PPM1G: variants seen among roughly 807,000 people sequenced by gnomAD.
PPM1G encodes protein phosphatase 1G.
In PPM1G, 12 loss-of-function variants were observed where a neutral mutation model predicts 59.4. That is an observed-to-expected ratio of 0.20 (90% CI 0.13 to 0.33). The LOEUF (loss-of-function observed/expected upper bound fraction) is 0.33, where lower values mean the gene tolerates loss of function less well. Ranked by LOEUF, PPM1G falls within the 10% of genes least tolerant of loss-of-function variation. The probability of loss-of-function intolerance (pLI) is 1.00; values close to 1 mark genes in which losing one functional copy is unlikely to be tolerated. For missense variants in PPM1G, 392 were observed against 681.3 expected (o/e 0.58, Z 4.73); for synonymous variants, 245 against 251.9 (o/e 0.97, Z 0.26).
rs1647283 is a variant in PPM1G, at chr2:27,384,637, C to T, written c.825+36G>A. 6 of 1,561,010 alleles carry T rather than the reference C, an allele frequency of 3.8e-6. No homozygotes were observed. Among genetic ancestry groups the T allele is most frequent in the South Asian group, 1.2e-5 (1 of 83,330 alleles). On this transcript the variant is annotated intron_variant, in intron 5 of 9. Transcript: ENST00000344034. The surrounding 1 kb of genome is among the most constrained non-coding windows in gnomAD (Gnocchi z 4.8). ...ACGGCAACCAAACAGGACCTCTCTGCAACTTCAGCATCTGCCTGCCCTCAC... is the reference window on the plus strand; with the variant it reads ...ACGGCAACCAAACAGGACCTCTCTGTAACTTCAGCATCTGCCTGCCCTCAC...
In PPM1G at chr2:27,384,923, G is replaced by A; in HGVS notation, c.575C>T (p.Pro192Leu). The A allele has an allele frequency of 1.2e-6, 2 of 1,614,214 alleles. No homozygotes were observed. Among genetic ancestry groups the A allele is most frequent in the Non-Finnish European group, 1.7e-6 (2 of 1,180,040 alleles). ...GSQGLNGEAG[P>L]EDSTRETPSQ... ...AGGAGTTTCCCTAGTTGAGTCCTCAGGTCCTGCCTCCCCATTGAGGCCCTG... is the reference window on the plus strand; with the variant it reads ...AGGAGTTTCCCTAGTTGAGTCCTCAAGTCCTGCCTCCCCATTGAGGCCCTG... Residue 192 changes from proline (P) to leucine (L), a missense_variant, in exon 5 of 10, where the codon CCT becomes CTT. By Grantham distance (98) the Pro-to-Leu change is moderately conservative. Coordinates refer to ENST00000344034, the MANE Select transcript of PPM1G (RefSeq NM_177983.3). The surrounding 1 kb of genome is among the most constrained non-coding windows in gnomAD (Gnocchi z 4.8).
At chr2:27,393,495 G>A in intron 1 of PPM1G, 2 of 722,870 alleles carry the variant, frequency 2.8e-6, no homozygotes, top group Non-Finnish European at 4.9e-6. Flanking sequence ...TGGGCGGCCG[G>A]CCGGGGTGCA....
intron 1 of PPM1G, among the ~76,000 whole-genome samples, chr2:27,395,300 G>C (rs772253058): frequency 2.0e-5 from 3 of 151,744 alleles, no homozygotes; most frequent in Non-Finnish European, 4.4e-5. Context: ...GGGAGGCTGA[G>C]GGGAGCAGAT....
chr2:27,381,832 C>A lies in PPM1G; in HGVS notation c.1435-27G>T, dbSNP rs774694623. On this transcript the variant is annotated intron_variant, in intron 9 of 9. Transcript: ENST00000344034. ...TAAGAAAGGGATGGGGGTAGCTCAG[C>A]CACAGGGTTTGAACACCTTGCCAGG... 17 of 1,607,742 alleles carry A rather than the reference C, an allele frequency of 1.1e-5. No homozygotes were observed. In the South Asian group the frequency reaches 1.7e-4, roughly 16 times the overall value.
chr2:27,408,425 T>C (rs977318498), intron 1 of PPM1G, among the ~76,000 whole-genome samples: 1 of 152,232 alleles, frequency 6.6e-6, no homozygotes, highest in East Asian at 1.9e-4. Context: ...TTCTCTTTTG[T>C]AGTTTCACAT....
At chr2:27,401,056 T>C (rs1239225080) in intron 1 of PPM1G, among the ~76,000 whole-genome samples, 1 of 152,176 alleles carries the variant, frequency 6.6e-6, no homozygotes, top group Non-Finnish European at 1.5e-5. Flanking sequence ...GAGTGATAAC[T>C]GGATATGAGA....
chr2:27,409,537 G>C lies in PPM1G; in HGVS notation c.-115C>G. ...AGGCCCCGCGGCGCGACCGACGCAA[G>C]GTGCCGGTGAAAGGCGCGAGGCCGG... On this transcript the variant is annotated 5_prime_UTR_variant, in exon 1 of 10. Coordinates refer to ENST00000344034, the MANE Select transcript of PPM1G (RefSeq NM_177983.3). 1 of 1,287,186 alleles carries C rather than the reference G, an allele frequency of 7.8e-7. No homozygotes were observed. The highest frequency in any genetic ancestry group is 9.9e-7 in the Non-Finnish European group (1 of 1,007,066). The allele number at this position is 1,287,186 out of a possible 1,614,324, so 79.7% of individuals were successfully genotyped here.
At chr2:27,396,750 G>C (rs1466558924) in intron 1 of PPM1G, among the ~76,000 whole-genome samples, 1 of 150,316 alleles carries the variant, frequency 6.7e-6, no homozygotes, top group African/African-American at 2.5e-5. Flanking sequence ...AGGTGGCAGA[G>C]GTTGCAGTGA....
intron 1 of PPM1G, 131 bp downstream of exon 1, chr2:27,409,172 C>G: frequency 7.6e-7 from 1 of 1,315,930 alleles, no homozygotes; most frequent in South Asian, 1.6e-5. Flanking sequence ...TCTCTGTCGC[C>G]CCGCAAACGG....
chr2:27,393,874 C>G (rs1213854248), intron 1 of PPM1G, among the ~76,000 whole-genome samples: 1 of 152,148 alleles, frequency 6.6e-6, no homozygotes, highest in Admixed American at 6.6e-5. Flanking sequence ...GCCATTCTCC[C>G]GTCTCAAAAC....
intron 1 of PPM1G, among the ~76,000 whole-genome samples, chr2:27,402,804 C>CTAAA: frequency 1.7e-5 from 2 of 118,918 alleles, no homozygotes; most frequent in Admixed American, 9.6e-5. Flanking sequence ...AAGACTCCAT[C>CTAAA]TCAATAAATA....
chr2:27,405,998 C>T (rs1322505553), intron 1 of PPM1G, among the ~76,000 whole-genome samples: 4 of 152,028 alleles, frequency 2.6e-5, no homozygotes, highest in South Asian at 4.1e-4. Context: ...ATAGAAACTC[C>T]GTCTCAAAAA....
rs533469594 is a variant in PPM1G at position 27,385,478 on chromosome 2, C to T, written c.409+269G>A. The T allele has an allele frequency of 3.7e-5, 17 of 453,498 alleles. 1 individual carries two copies. In the South Asian group the frequency reaches 6.0e-4, roughly 16 times the overall value. The allele number at this position is 453,498 out of a possible 1,614,324, so 28.1% of individuals were successfully genotyped here. Reference sequence around the variant, plus strand: ...CCAGTCTTGAGGGGAAAAAAAAGCACATAAATACTAGCAGGAACCAGGAAG... The same window carrying T: ...CCAGTCTTGAGGGGAAAAAAAAGCATATAAATACTAGCAGGAACCAGGAAG... On this transcript the variant is annotated intron_variant, in intron 4 of 9. Coordinates refer to ENST00000344034, the MANE Select transcript of PPM1G (RefSeq NM_177983.3). The surrounding 1 kb of genome is among the most constrained non-coding windows in gnomAD (Gnocchi z 4.1).
rs142026887 is a variant in PPM1G at position 27,399,146 on chromosome 2, AAAC to A, written c.120+10154_120+10156del. On this transcript the variant is annotated intron_variant, in intron 1 of 9. Transcript: ENST00000344034. ...TCAGAGCAAGACTGTCCCCCGACCA[AAAC>A]AACAACAACAACAACAACAACAAAA... Among the ~76,000 whole-genome samples, 73 of 150,462 alleles carry A rather than the reference AAAC, an allele frequency of 4.9e-4. 2 individuals are homozygous for A. Among genetic ancestry groups the A allele is most frequent in the African/African-American group, 1.4e-3 (57 of 40,760 alleles).
At chr2:27,404,249 T>C (rs1373269570) in intron 1 of PPM1G, among the ~76,000 whole-genome samples, 1 of 151,894 alleles carries the variant, frequency 6.6e-6, no homozygotes, top group East Asian at 1.9e-4. Flanking sequence ...ATATGATTTA[T>C]AGCACAAAAA....
chr2:27,395,670 C>G (rs965874454), intron 1 of PPM1G, among the ~76,000 whole-genome samples: 6 of 151,994 alleles, frequency 3.9e-5, no homozygotes, highest in African/African-American at 1.4e-4. Flanking sequence ...CTGTGAGACT[C>G]TGTCTCTACG....
chr2:27,398,770 C>T (rs1473250839), intron 1 of PPM1G, among the ~76,000 whole-genome samples: 2 of 149,718 alleles, frequency 1.3e-5, no homozygotes, highest in Non-Finnish European at 3.0e-5. Context: ...TGCAGTGAGC[C>T]GAGATCATGC....
At chr2:27,393,433 G>C in intron 1 of PPM1G, 1 of 1,005,866 alleles carries the variant, frequency 9.9e-7, no homozygotes, top group Non-Finnish European at 1.5e-6. Context: ...GCTGCGGCGG[G>C]GGCCTTGGGG....
At chr2:27,392,782 G>A (rs1171137612) in intron 1 of PPM1G, 2 of 1,460,850 alleles carry the variant, frequency 1.4e-6, no homozygotes. Flanking sequence ...TTAGCCTGAG[G>A]CTTAGCTTTC....
Sources: allele counts gnomAD v4.1 joint callset (sites outside exome capture counted in the v4.1 genomes callset), GRCh38; gene constraint gnomAD v4.1.1; non-coding constraint Gnocchi (gnomAD v3.1); transcripts MANE v1.5; gene names NCBI Gene and HGNC (gene_info 2026-07-23, HGNC 2026-07-21).